Variants in FAM227B observed in about 807,000 individuals in gnomAD.
FAM227B encodes family with sequence similarity 227 member B.
A neutral mutation model predicts 73.8 loss-of-function variants in FAM227B; 88 were observed. The observed-to-expected ratio is 1.19, with a 90% confidence interval of 1.00 to 1.42. The LOEUF is 1.42. FAM227B is among the 40% of genes most tolerant of loss of function. FAM227B has a pLI of 0.00. For missense variants in FAM227B, 632 were observed against 590.9 expected (o/e 1.07, Z -0.72); for synonymous variants, 210 against 190.5 (o/e 1.10, Z -0.84).
At chr15:49,351,594 T>C (rs2042249893) in intron 13 of FAM227B, among the ~76,000 whole-genome samples, 1 of 152,192 alleles carries the variant, frequency 6.6e-6, no homozygotes, top group Non-Finnish European at 1.5e-5. Flanking sequence ...CCGTCCCAAG[T>C]TGGGTTTTCC....
At chr15:49,554,829 G>A (rs1289780360) in intron 9 of FAM227B, among the ~76,000 whole-genome samples, 2 of 151,932 alleles carry the variant, frequency 1.3e-5, no homozygotes, top group African/African-American at 4.8e-5. Flanking sequence ...TGGTGTTCTT[G>A]TGGGGGGACA....
intron 2 of FAM227B, among the ~76,000 whole-genome samples, chr15:49,614,113 T>C (rs2078133502): frequency 6.6e-6 from 1 of 152,106 alleles, no homozygotes; most frequent in Non-Finnish European, 1.5e-5. Flanking sequence ...AAAAATAATA[T>C]GCACATTTAA....
chr15:49,381,798 T>TA (rs2046553256), intron 11 of FAM227B, among the ~76,000 whole-genome samples: 1 of 152,182 alleles, frequency 6.6e-6, no homozygotes, highest in Admixed American at 6.5e-5. Flanking sequence ...ATAATCATTT[T>TA]AATAAGCATT....
intron 6 of FAM227B, 103 bp from the exon 7 acceptor site, chr15:49,576,948 C>A: frequency 1.6e-6 from 1 of 620,018 alleles, no homozygotes; most frequent in Non-Finnish European, 2.8e-6. Context: ...CACTCACTAA[C>A]ATAATTACTT....
At chr15:49,346,103 C>G (rs1430569412) in intron 13 of FAM227B, among the ~76,000 whole-genome samples, 2 of 150,804 alleles carry the variant, frequency 1.3e-5, no homozygotes, top group Non-Finnish European at 2.9e-5. Flanking sequence ...CTGCTGAACA[C>G]GAAACTTAAC....
chr15:49,371,167 T>G, intron 12 of FAM227B, 135 bp downstream of exon 12: 1 of 455,374 alleles, frequency 2.2e-6, no homozygotes, highest in Non-Finnish European at 4.0e-6. Flanking sequence ...AAATCTCTTT[T>G]GACCATTAAA....
intron 11 of FAM227B, among the ~76,000 whole-genome samples, chr15:49,471,972 G>C (rs1338037965): frequency 6.6e-6 from 1 of 151,590 alleles, no homozygotes; most frequent in Non-Finnish European, 1.5e-5. Context: ...GACAGCACAG[G>C]TGTTGTTTTC....
chr15:49,401,150 A>G (rs1274710828), intron 11 of FAM227B, among the ~76,000 whole-genome samples: 1 of 152,276 alleles, frequency 6.6e-6, no homozygotes, highest in Non-Finnish European at 1.5e-5. Flanking sequence ...AAACAAATTT[A>G]CAAGAAAAGA....
chr15:49,338,370 C>G (rs1366431673), intron 13 of FAM227B, among the ~76,000 whole-genome samples: 1 of 152,088 alleles, frequency 6.6e-6, no homozygotes, highest in African/African-American at 2.4e-5. Context: ...GATTTTATTT[C>G]TCCTTCACTT....
At chr15:49,592,597 G>A (rs1466889767) in intron 3 of FAM227B, among the ~76,000 whole-genome samples, 1 of 152,208 alleles carries the variant, frequency 6.6e-6, no homozygotes, top group Non-Finnish European at 1.5e-5. Context: ...TGAGGTGTCT[G>A]TTGGCCCCTA....
At chr15:49,529,622 C>T (rs1021757762) in intron 10 of FAM227B, among the ~76,000 whole-genome samples, 2 of 151,522 alleles carry the variant, frequency 1.3e-5, no homozygotes, top group East Asian at 1.9e-4. Context: ...CCCAGTTTCC[C>T]ACAATGGTAA....
chr15:49,460,166 A>G (rs1041033881), intron 11 of FAM227B, among the ~76,000 whole-genome samples: 10 of 152,118 alleles, frequency 6.6e-5, no homozygotes, highest in Admixed American at 5.9e-4. Context: ...AGAGGAAGAA[A>G]AGTGATACTA....
intron 13 of FAM227B, chr15:49,366,813 G>C: frequency 1.8e-6 from 1 of 553,210 alleles, no homozygotes; most frequent in Non-Finnish European, 3.2e-6. Context: ...CTGCTGCAGG[G>C]GCCGCCACTG....
At chr15:49,618,288 C>T (rs1222363655) in intron 1 of FAM227B, among the ~76,000 whole-genome samples, 1 of 152,070 alleles carries the variant, frequency 6.6e-6, no homozygotes, top group African/African-American at 2.4e-5. Context: ...ATCTAACACA[C>T]AGGAGAGCAG....
intron 11 of FAM227B, among the ~76,000 whole-genome samples, chr15:49,404,923 AG>A (rs1305232399): frequency 6.6e-6 from 1 of 152,146 alleles, no homozygotes; most frequent in Non-Finnish European, 1.5e-5. Flanking sequence ...TGCTTCCTTC[AG>A]GAGCTCTTGT....
chr15:49,376,998 T>C (rs1260967121), intron 11 of FAM227B, among the ~76,000 whole-genome samples: 1 of 152,002 alleles, frequency 6.6e-6, no homozygotes, highest in African/African-American at 2.4e-5. Flanking sequence ...TTTTATTGTC[T>C]CCATTAATCA....
chr15:49,589,975 A>G lies in FAM227B; in HGVS notation c.138T>C (p.Asp46=). The change falls in exon 4 of 16, where the codon GAT becomes GAC. Residue 46 remains aspartate (D), a synonymous_variant. Coordinates refer to ENST00000299338, the MANE Select transcript of FAM227B (RefSeq NM_152647.3). ...DYWPREIHFR[D]DDKWSCTLKK... Reference sequence around the variant, plus strand: ...TCAGAGTGCATGACCATTTATCATCATCTCTAAAATGGATTTCCCTTGGCC... The same window carrying G: ...TCAGAGTGCATGACCATTTATCATCGTCTCTAAAATGGATTTCCCTTGGCC... 1 of 1,604,894 alleles carries G rather than the reference A, an allele frequency of 6.2e-7. No homozygotes were observed. Among genetic ancestry groups the G allele is most frequent in the Non-Finnish European group, 8.5e-7 (1 of 1,172,358 alleles).
At chr15:49,441,007 A>G (rs1451096133) in intron 11 of FAM227B, among the ~76,000 whole-genome samples, 5 of 151,830 alleles carry the variant, frequency 3.3e-5, no homozygotes, top group Non-Finnish European at 7.4e-5. Flanking sequence ...TTAATGTTTT[A>G]TCTTTCAAAG....
intron 11 of FAM227B, chr15:49,423,141 T>C (rs1247142958): frequency 6.3e-6 from 1 of 158,226 alleles, no homozygotes; most frequent in Non-Finnish European, 1.4e-5. Flanking sequence ...CCTCCTTTTA[T>C]TCTCGCTGTT....
Sources: gnomAD v4.1 joint callset for allele counts (sites outside exome capture counted in the v4.1 genomes callset) on GRCh38, gnomAD v4.1.1 for gene constraint, MANE v1.5 for transcripts, NCBI Gene and HGNC (gene_info 2026-07-23, HGNC 2026-07-21) for gene names.